CDH13: variants seen among roughly 807,000 people sequenced by gnomAD.
The protein encoded by CDH13 is cadherin-13.
In CDH13, 24 loss-of-function variants were observed where a neutral mutation model predicts 63.8. The ratio of observed to expected loss-of-function variants is 0.38; its 90% CI spans 0.27 to 0.53. CDH13 has a LOEUF of 0.53. CDH13 is among the 20% of genes least tolerant of loss of function. CDH13 has a pLI of 0.85. For missense variants in CDH13, 1,049 were observed against 903.1 expected (o/e 1.16, Z -2.07); for synonymous variants, 503 against 355.3 (o/e 1.42, Z -4.67).
chr16:82,630,788 A>G (rs1378028328), intron 1 of CDH13, among the ~76,000 whole-genome samples: 2 of 152,242 alleles, frequency 1.3e-5, no homozygotes, highest in African/African-American at 4.8e-5. Flanking sequence ...TTACACCTGA[A>G]TGACAGTCAT....
intron 1 of CDH13, among the ~76,000 whole-genome samples, chr16:82,700,751 A>G (rs528311362): frequency 3.9e-5 from 6 of 152,104 alleles, no homozygotes; most frequent in Non-Finnish European, 8.8e-5. Flanking sequence ...AAAGGATTTC[A>G]GTGATTATGT....
chr16:83,064,932 G>T (rs1399439111), intron 3 of CDH13, among the ~76,000 whole-genome samples: 4 of 152,108 alleles, frequency 2.6e-5, no homozygotes, highest in African/African-American at 9.6e-5. Context: ...TCATCATGCT[G>T]TGCAATAGTC....
At chr16:83,157,825 G>A (rs958611006) in intron 4 of CDH13, among the ~76,000 whole-genome samples, 3 of 151,298 alleles carry the variant, frequency 2.0e-5, no homozygotes, top group Admixed American at 6.6e-5. Context: ...AGGCAGGAGA[G>A]TAGCTTGAAC....
Position 83,198,847 on chromosome 16 carries a change from C to T in CDH13, c.484-18498C>T, listed in dbSNP as rs370892952. 1.9e-3 allele frequency among the ~76,000 whole-genome samples: 289 copies of T among 152,270 alleles called. 3 individuals are homozygous for T. The highest frequency in any genetic ancestry group is 6.7e-3 in the African/African-American group (277 of 41,536). Reference sequence around the variant, plus strand: ...AAGAGGAGCCATTATTCATCACTGGCAACTCTGTGGTACTAAAATTAAATA... The same window carrying T: ...AAGAGGAGCCATTATTCATCACTGGTAACTCTGTGGTACTAAAATTAAATA... On this transcript the variant is annotated intron_variant, in intron 4 of 13. Transcript: ENST00000567109.
intron 1 of CDH13, among the ~76,000 whole-genome samples, chr16:82,631,241 T>A (rs77574616): frequency 6.6e-6 from 1 of 152,216 alleles, no homozygotes; most frequent in African/African-American, 2.4e-5. Context: ...GACGGTGCAA[T>A]ACGCAATGTG....
intron 5 of CDH13, among the ~76,000 whole-genome samples, chr16:83,267,520 T>G (rs976074159): frequency 1.3e-5 from 2 of 152,138 alleles, no homozygotes; most frequent in African/African-American, 4.8e-5. Flanking sequence ...TATTAAGAGG[T>G]AAGACCTCTA....
intron 1 of CDH13, among the ~76,000 whole-genome samples, chr16:82,743,718 T>C (rs1263786879): frequency 1.3e-5 from 2 of 152,210 alleles, no homozygotes; most frequent in African/African-American, 4.8e-5. Flanking sequence ...CAAGTGTTGC[T>C]TGTCCCCCAC....
intron 10 of CDH13, among the ~76,000 whole-genome samples, chr16:83,741,552 T>G (rs1253218624): frequency 2.6e-5 from 4 of 152,006 alleles, no homozygotes; most frequent in Non-Finnish European, 5.9e-5. Context: ...TATATAGAGA[T>G]AGATCCATCT....
intron 8 of CDH13, among the ~76,000 whole-genome samples, chr16:83,626,140 A>G (rs1442232364): frequency 6.6e-6 from 1 of 151,792 alleles, no homozygotes; most frequent in Non-Finnish European, 1.5e-5. Context: ...CCTCCTGCGT[A>G]GCTGGGGCTA....
intron 2 of CDH13, among the ~76,000 whole-genome samples, chr16:83,024,533 T>A (rs910027999): frequency 2.0e-5 from 3 of 152,088 alleles, no homozygotes; most frequent in African/African-American, 7.2e-5. Flanking sequence ...CGAGTTTGGA[T>A]TTGACCTCGG....
At chr16:83,283,424 C>G (rs1239279586) in intron 5 of CDH13, among the ~76,000 whole-genome samples, 3 of 152,148 alleles carry the variant, frequency 2.0e-5, no homozygotes, top group African/African-American at 7.2e-5. Flanking sequence ...AACCCTGTCT[C>G]TACTAAAATT....
chr16:82,912,730 T>C (rs1295458785), intron 2 of CDH13, among the ~76,000 whole-genome samples: 1 of 152,102 alleles, frequency 6.6e-6, no homozygotes, highest in Non-Finnish European at 1.5e-5. Context: ...GATCACGAGG[T>C]CAGGAGATCG....
intron 5 of CDH13, among the ~76,000 whole-genome samples, chr16:83,313,539 G>C (rs1448809293): frequency 6.6e-6 from 1 of 151,456 alleles, no homozygotes; most frequent in African/African-American, 2.4e-5. Context: ...CATTTTTAGA[G>C]GTTCTCAACC....
intron 4 of CDH13, among the ~76,000 whole-genome samples, chr16:83,165,976 G>T (rs934336977): frequency 2.6e-5 from 4 of 152,110 alleles, no homozygotes; most frequent in African/African-American, 9.7e-5. Flanking sequence ...CAAAAGAGTA[G>T]TTAGCTCTAA....
chr16:83,718,993 G>T (rs1156673718), intron 10 of CDH13, among the ~76,000 whole-genome samples: 1 of 152,192 alleles, frequency 6.6e-6, no homozygotes, highest in Non-Finnish European at 1.5e-5. Context: ...AAGTTCTCTG[G>T]CAAAGGAATG....
intron 4 of CDH13, among the ~76,000 whole-genome samples, chr16:83,216,525 G>A (rs1193328997): frequency 1.5e-5 from 2 of 135,490 alleles, no homozygotes; most frequent in Non-Finnish European, 3.1e-5. Context: ...TTTAATATAT[G>A]TAATATTTAA....
At chr16:82,672,074 T>C (rs1913316656) in intron 1 of CDH13, among the ~76,000 whole-genome samples, 1 of 152,206 alleles carries the variant, frequency 6.6e-6, no homozygotes, top group Non-Finnish European at 1.5e-5. Flanking sequence ...CTTTTCAATA[T>C]GGAAGTTAAC....
At chr16:82,823,705 T>C (rs547201377) in intron 1 of CDH13, 1 of 152,272 alleles carries the variant, frequency 6.6e-6, no homozygotes, top group South Asian at 2.1e-4. Context: ...ATATAAAATA[T>C]AGTATAATAT....
intron 6 of CDH13, among the ~76,000 whole-genome samples, chr16:83,355,481 C>T (rs2091034125): frequency 6.6e-6 from 1 of 152,312 alleles, no homozygotes; most frequent in African/African-American, 2.4e-5. Flanking sequence ...GAGTCCCAGG[C>T]ACAAATTATC....
Sources: gnomAD v4.1 joint callset for allele counts (sites outside exome capture counted in the v4.1 genomes callset) on GRCh38, gnomAD v4.1.1 for gene constraint, MANE v1.5 for transcripts, NCBI Gene and HGNC (gene_info 2026-07-23, HGNC 2026-07-21) for gene names.